The following CCNB3 variants were observed in gnomAD, a reference collection of about 807,000 sequenced individuals.
CCNB3 encodes the protein G2/mitotic-specific cyclin-B3.
CCNB3 carries 12 observed loss-of-function variants against 68.0 expected under a neutral mutation model. The ratio of observed to expected loss-of-function variants is 0.18; its 90% CI spans 0.11 to 0.29. The LOEUF (loss-of-function observed/expected upper bound fraction) is 0.29, where lower values mean the gene tolerates loss of function less well. Among genes scored for constraint, CCNB3 ranks in the 10% least tolerant of loss-of-function variants. CCNB3 has a pLI of 1.00. For synonymous variants in CCNB3, 354 were observed against 388.9 expected, an observed-to-expected ratio of 0.91 and a Z score of 1.06; for missense variants, 904 against 993.1, an observed-to-expected ratio of 0.91 and a Z score of 1.21.
In CCNB3 at chrX:50,311,171, G is replaced by T. The variant is rs192727924; in HGVS notation, c.3002G>T (p.Gly1001Val). 3 of 1,197,035 alleles carry T rather than the reference G, an allele frequency of 2.5e-6. No individual in the cohort carries two copies. The highest frequency in any genetic ancestry group is 3.0e-5 in the East Asian group (1 of 33,308). ...IATMTSVGKSGTINEAFLFED... is the reference protein window; with the variant it reads ...IATMTSVGKSVTINEAFLFED... Reference sequence around the variant, plus strand: ...ACCATGACCAGTGTGGGCAAATCTGGTACCATCAATGAGGCATTCCTCTTC... The same window carrying T: ...ACCATGACCAGTGTGGGCAAATCTGTTACCATCAATGAGGCATTCCTCTTC... The change falls in exon 6 of 13, where the codon GGT (glycine) becomes GTT (valine). Residue 1001 changes from glycine to valine, a missense_variant. This residue lies in a region of CCNB3 where 285 missense variants were observed against 383.4 expected (regional missense o/e 0.74). Coordinates refer to ENST00000376042, the MANE Select transcript of CCNB3 (RefSeq NM_033031.3).
At chrX:50,279,597 T>C (rs1251337083) in intron 1 of CCNB3, among the ~76,000 whole-genome samples, 2 of 89,077 alleles carry the variant, frequency 2.2e-5, no homozygotes, top group Non-Finnish European at 4.2e-5. Context: ...TATTCATATG[T>C]AAATGTATAT....
rs187465593 is a variant in CCNB3 at position 50,314,488 on chromosome X, G to T, written c.3516+540G>T. 5.2e-3 allele frequency among the ~76,000 whole-genome samples: 578 copies of T among 112,217 alleles called. 16 individuals are homozygous for T. The Admixed American group carries it at 0.052, about 10-fold the overall frequency. On this transcript the variant is annotated intron_variant, in intron 8 of 12. Coordinates refer to ENST00000376042, the MANE Select transcript of CCNB3 (RefSeq NM_033031.3). ...GGGGGTCAGTAAGTATTTGTTGAAT[G>T]AATGGAATTGAAAGAATTGCTATGG...
intron 1 of CCNB3, among the ~76,000 whole-genome samples, chrX:50,283,953 C>A (rs1197815675): frequency 9.2e-6 from 1 of 109,004 alleles, no homozygotes; most frequent in East Asian, 2.9e-4. Context: ...TATTTCTATC[C>A]TTTTCCTTGA....
intron 1 of CCNB3, among the ~76,000 whole-genome samples, chrX:50,226,808 G>T (rs1199772824): frequency 1.5e-5 from 1 of 68,804 alleles, no homozygotes; most frequent in African/African-American, 5.9e-5. Flanking sequence ...TATATATATA[G>T]AGTATATATA....
At chrX:50,287,361 A>G (rs781889847) in intron 3 of CCNB3, among the ~76,000 whole-genome samples, 1 of 111,178 alleles carries the variant, frequency 9.0e-6, no homozygotes, top group South Asian at 3.9e-4. Flanking sequence ...CCTCCTTTAT[A>G]TATACTAACA....
At chrX:50,325,681 T>A (rs1260138843) in intron 8 of CCNB3, among the ~76,000 whole-genome samples, 1 of 112,157 alleles carries the variant, frequency 8.9e-6, no homozygotes, top group Non-Finnish European at 1.9e-5. Context: ...TATTTTAAAT[T>A]TAGGCCCAGG....
At chrX:50,323,120 G>A (rs1340917043) in intron 8 of CCNB3, among the ~76,000 whole-genome samples, 1 of 111,737 alleles carries the variant, frequency 8.9e-6, no homozygotes, top group Non-Finnish European at 1.9e-5. Flanking sequence ...ACATGCACAT[G>A]TATGTTTATT....
At chrX:50,314,566 T>C (rs1921630340) in intron 8 of CCNB3, among the ~76,000 whole-genome samples, 1 of 111,899 alleles carries the variant, frequency 8.9e-6, no homozygotes, top group African/African-American at 3.2e-5. Context: ...AGTCTTAGTA[T>C]GTAATTAGGA....
At chrX:50,341,163 T>C (rs1449205839) in intron 8 of CCNB3, among the ~76,000 whole-genome samples, 2 of 109,100 alleles carry the variant, frequency 1.8e-5, no homozygotes, top group Non-Finnish European at 3.8e-5. Context: ...CCCCCGTCTC[T>C]ACTAAAAATA....
intron 1 of CCNB3, among the ~76,000 whole-genome samples, chrX:50,208,266 C>G (rs76961544): frequency 8.9e-6 from 1 of 111,844 alleles, no homozygotes; most frequent in African/African-American, 3.3e-5. Context: ...GTTGTGGGAA[C>G]CCTCCCCAAA....
intron 8 of CCNB3, among the ~76,000 whole-genome samples, chrX:50,321,804 G>A (rs1248722534): frequency 9.1e-6 from 1 of 110,423 alleles, no homozygotes; most frequent in Non-Finnish European, 1.9e-5. Context: ...TAATTTTGTC[G>A]AGTTTTCAAA....
rs1316600386 is a variant in CCNB3, at chrX:50,228,710, A to G, written c.-113+23760A>G. On this transcript the variant is annotated intron_variant, in intron 1 of 12. Coordinates refer to ENST00000376042, the MANE Select transcript of CCNB3 (RefSeq NM_033031.3). ...TATATACATAGAATATATATAGAAT[A>G]TATATAAAGAATATATATAGAATAT... is the stretch of plus-strand genomic sequence containing the variant. 4.3e-3 allele frequency among the ~76,000 whole-genome samples: 290 copies of G among 67,416 alleles called. 3 individuals carry two copies. Among genetic ancestry groups the G allele is most frequent in the African/African-American group, 0.016 (280 of 17,776 alleles). The allele number at this position is 67,416 out of a possible 115,157, so 58.5% of individuals were successfully genotyped here. A position where few individuals can be genotyped will look rare whatever the true frequency, so the allele number is the denominator to read the frequency against.
intron 8 of CCNB3, among the ~76,000 whole-genome samples, chrX:50,329,352 T>C (rs1557217755): frequency 8.9e-6 from 1 of 112,948 alleles, no homozygotes; most frequent in African/African-American, 3.2e-5. Flanking sequence ...TCCAGGTTTT[T>C]CCATACATCC....
chrX:50,207,995 T>G (rs1180516626), intron 1 of CCNB3, among the ~76,000 whole-genome samples: 1 of 111,987 alleles, frequency 8.9e-6, no homozygotes, highest in African/African-American at 3.2e-5. Flanking sequence ...ATTCCAGACA[T>G]TCAGTATAAA....
intron 1 of CCNB3, among the ~76,000 whole-genome samples, chrX:50,219,190 A>G (rs1203001633): frequency 2.7e-5 from 3 of 111,481 alleles, no homozygotes; most frequent in Non-Finnish European, 5.7e-5. Context: ...AGATGGATAG[A>G]TTGCAAAAAT....
intron 5 of CCNB3, among the ~76,000 whole-genome samples, chrX:50,301,432 G>T (rs1602215454): frequency 8.9e-6 from 1 of 111,999 alleles, no homozygotes; most frequent in African/African-American, 3.2e-5. Context: ...ATCAGCAGCG[G>T]TGGCTGCAGA....
rs778495552 is a variant in CCNB3 at position 50,286,850 on chromosome X, G to A, written c.96+1591G>A. On this transcript the variant is annotated intron_variant, in intron 3 of 12. Coordinates refer to ENST00000376042, the MANE Select transcript of CCNB3 (RefSeq NM_033031.3). ...TTTTTGATAGAGACGGGGTTTCCCCGTGTTGGCCCGAACGGTCTCAATCAC... is the reference window on the plus strand; with the variant it reads ...TTTTTGATAGAGACGGGGTTTCCCCATGTTGGCCCGAACGGTCTCAATCAC... 1.6e-3 allele frequency among the ~76,000 whole-genome samples: 174 copies of A among 111,097 alleles called. 1 individual carries two copies. Among genetic ancestry groups the A allele is most frequent in the Middle Eastern group, 4.7e-3 (1 of 213 alleles).
At chrX:50,283,874 T>TTTTTC (rs778967445) in intron 1 of CCNB3, among the ~76,000 whole-genome samples, 221 of 110,772 alleles carry the variant, frequency 2.0e-3, no homozygotes, top group African/African-American at 6.1e-3. Flanking sequence ...TTATGTTTCT[T>TTTTTC]TTTTCTTTTC....
chrX:50,323,210 A>G (rs1476406614), intron 8 of CCNB3, among the ~76,000 whole-genome samples: 2 of 111,568 alleles, frequency 1.8e-5, no homozygotes, highest in Non-Finnish European at 3.8e-5. Flanking sequence ...AAAATGTGGC[A>G]CATATACACC....
Sources: gnomAD v4.1 joint callset for allele counts (sites outside exome capture counted in the v4.1 genomes callset) on GRCh38, gnomAD v4.1.1 for gene constraint, gnomAD v4.1.1 regional missense constraint, MANE v1.5 for transcripts, NCBI Gene and HGNC (gene_info 2026-07-23, HGNC 2026-07-21) for gene names.